SCMH1: variants seen among roughly 807,000 people sequenced by gnomAD.
SCMH1 encodes Scm polycomb group protein homolog 1.
SCMH1 carries 37 observed loss-of-function variants against 70.8 expected under a neutral mutation model. The ratio of observed to expected loss-of-function variants is 0.52; its 90% CI spans 0.40 to 0.69. SCMH1 has a LOEUF of 0.69. SCMH1 is among the 30% of genes least tolerant of loss of function. The probability of loss-of-function intolerance (pLI) is 0.00; values close to 1 mark genes in which losing one functional copy is unlikely to be tolerated. For synonymous variants in SCMH1, 292 were observed against 307.4 expected, an observed-to-expected ratio of 0.95 and a Z score of 0.52; for missense variants, 607 against 827.3, an observed-to-expected ratio of 0.73 and a Z score of 3.27.
At position 41,028,776 on chromosome 1, in the gene SCMH1, A is replaced by G. The variant is rs371826989; in HGVS notation, c.1679-50T>C. On this transcript the variant is annotated intron_variant, in intron 13 of 14. Coordinates refer to ENST00000337495, the Ensembl canonical transcript of SCMH1. Reference sequence around the variant, plus strand: ...ATAAAGGGCGGGGACTGGTTTGTAAATCCCCACCACTCTCCTTGGCACATC... The same window carrying G: ...ATAAAGGGCGGGGACTGGTTTGTAAGTCCCCACCACTCTCCTTGGCACATC... The G allele has an allele frequency of 1.9e-6, 3 of 1,596,616 alleles. No individual in the cohort carries two copies. In the African/African-American group the frequency reaches 4.0e-5, roughly 21 times the overall value.
chr1:41,046,333 G>A, intron 12 of SCMH1, 74 bp downstream of exon 12: 1 of 1,347,848 alleles, frequency 7.4e-7, no homozygotes, highest in Non-Finnish European at 1.0e-6. Context: ...TCTGAAGGCT[G>A]ACCCTGGGCC....
intron 1 of SCMH1, among the ~76,000 whole-genome samples, chr1:41,189,610 A>G (rs1250468021): frequency 6.6e-6 from 1 of 152,170 alleles, no homozygotes. Flanking sequence ...TTTCTCAAAG[A>G]AAGCAATAAA....
intron 2 of SCMH1, among the ~76,000 whole-genome samples, chr1:41,184,863 AC>A (rs1432286746): frequency 6.6e-6 from 1 of 152,218 alleles, no homozygotes; most frequent in African/African-American, 2.4e-5. Flanking sequence ...TAAGCATCAA[AC>A]AATATTATGG....
intron 1 of SCMH1, among the ~76,000 whole-genome samples, chr1:41,215,389 A>G (rs1461858366): frequency 6.6e-6 from 1 of 152,220 alleles, no homozygotes; most frequent in African/African-American, 2.4e-5. Flanking sequence ...CACAGTATAC[A>G]TAACACTTCA....
intron 5 of SCMH1, among the ~76,000 whole-genome samples, chr1:41,150,226 G>C (rs111763792): frequency 7.9e-5 from 12 of 152,288 alleles, no homozygotes; most frequent in Admixed American, 2.0e-4. Flanking sequence ...TTGTTGGCTA[G>C]GCCCGGTGGC....
At chr1:41,235,664 G>A (rs1662243989) in intron 1 of SCMH1, among the ~76,000 whole-genome samples, 1 of 148,874 alleles carries the variant, frequency 6.7e-6, no homozygotes, top group South Asian at 2.1e-4. Flanking sequence ...CAACTCAGTT[G>A]AAAAATATTT....
At chr1:41,114,661 T>TTCTCTCTCTC (rs61013208) in intron 7 of SCMH1, among the ~76,000 whole-genome samples, 3,059 of 148,226 alleles carry the variant, frequency 0.021, 40 homozygotes, top group Non-Finnish European at 0.025. Flanking sequence ...AAGATTTCCT[T>TTCTCTCTCTC]TCTCTCTCTC....
chr1:41,106,667 C>A (rs548007), intron 8 of SCMH1, among the ~76,000 whole-genome samples: 97,085 of 151,456 alleles, frequency 0.64, 32,551 homozygotes, highest in African/African-American at 0.84. Flanking sequence ...CTACTTACAC[C>A]CTACAATCTA....
chr1:41,033,463 A>G (rs1173804997), intron 13 of SCMH1, among the ~76,000 whole-genome samples: 2 of 152,108 alleles, frequency 1.3e-5, no homozygotes, highest in Admixed American at 6.5e-5. Context: ...CGTTATCACC[A>G]TCTTTAGTTC....
At chr1:41,035,231 GTT>G (rs1645122240) in intron 13 of SCMH1, among the ~76,000 whole-genome samples, 1 of 152,132 alleles carries the variant, frequency 6.6e-6, no homozygotes, top group Non-Finnish European at 1.5e-5. Context: ...AGATGTAGTG[GTT>G]GATGACTTAA....
intron 12 of SCMH1, chr1:41,043,948 G>A (rs1465681092): frequency 6.6e-6 from 1 of 152,118 alleles, no homozygotes; most frequent in Admixed American, 6.5e-5. Context: ...AGAAACAGAC[G>A]AAGTAAATAC....
intron 1 of SCMH1, among the ~76,000 whole-genome samples, chr1:41,202,516 A>G (rs574964924): frequency 1.3e-5 from 2 of 152,292 alleles, no homozygotes; most frequent in South Asian, 4.1e-4. Context: ...GTACTTTTAT[A>G]TGGTAGTACC....
chr1:41,096,425 ATAGTACTTACC>A (rs1665084654), intron 8 of SCMH1, among the ~76,000 whole-genome samples: 1 of 152,214 alleles, frequency 6.6e-6, no homozygotes, highest in African/African-American at 2.4e-5. Context: ...AAAATAGATA[ATAGTACTTACC>A]TACAGATTAT....
intron 5 of SCMH1, among the ~76,000 whole-genome samples, chr1:41,150,659 G>A (rs1007631151): frequency 1.3e-5 from 2 of 151,742 alleles, no homozygotes; most frequent in East Asian, 1.9e-4. Flanking sequence ...TTCTATGGCC[G>A]GGCACGGTGG....
At chr1:41,045,372 G>C (rs188148117) in intron 12 of SCMH1, among the ~76,000 whole-genome samples, 7 of 152,276 alleles carry the variant, frequency 4.6e-5, no homozygotes, top group Admixed American at 1.3e-4. Context: ...CTGCTTGCAA[G>C]TCACATAAGC....
intron 12 of SCMH1, among the ~76,000 whole-genome samples, chr1:41,038,741 C>A (rs1008269653): frequency 2.0e-5 from 3 of 152,142 alleles, no homozygotes; most frequent in Non-Finnish European, 4.4e-5. Flanking sequence ...TAAGCCATAT[C>A]CCACCTCCTT....
intron 2 of SCMH1, among the ~76,000 whole-genome samples, chr1:41,161,698 A>T (rs1280729237): frequency 6.6e-6 from 1 of 152,234 alleles, no homozygotes; most frequent in Admixed American, 6.5e-5. Flanking sequence ...AAGTATTTTG[A>T]AGCTGTTAAA....
intron 1 of SCMH1, among the ~76,000 whole-genome samples, chr1:41,238,750 C>A (rs1024493163): frequency 2.0e-5 from 3 of 152,234 alleles, no homozygotes; most frequent in Non-Finnish European, 4.4e-5. Flanking sequence ...CTAGAACAGT[C>A]CCAATATCAG....
intron 11 of SCMH1, among the ~76,000 whole-genome samples, chr1:41,047,337 A>C (rs1646988686): frequency 6.6e-6 from 1 of 150,724 alleles, no homozygotes; most frequent in Non-Finnish European, 1.5e-5. Flanking sequence ...GAGACCAGGG[A>C]GTAGGCTGGG....
Sources: allele counts gnomAD v4.1 joint callset (sites outside exome capture counted in the v4.1 genomes callset), GRCh38; gene constraint gnomAD v4.1.1; transcripts MANE v1.5; gene names NCBI Gene and HGNC (gene_info 2026-07-23, HGNC 2026-07-21).